Variants in NR1H4 observed in about 807,000 individuals in gnomAD.
NR1H4 encodes bile acid receptor.
NR1H4 carries 23 observed loss-of-function variants against 58.5 expected under a neutral mutation model. That is an observed-to-expected ratio of 0.39 (90% CI 0.28 to 0.56). The LOEUF (loss-of-function observed/expected upper bound fraction) is 0.56. Among genes scored for constraint, NR1H4 ranks in the 20% least tolerant of loss-of-function variants. NR1H4 has a pLI of 0.58. For missense variants in NR1H4, 487 were observed against 576.9 expected, an observed-to-expected ratio of 0.84 and a Z score of 1.60; for synonymous variants, 214 against 198.0, an observed-to-expected ratio of 1.08 and a Z score of -0.68.
At chr12:100,519,864 C>T (rs781350100) in intron 4 of NR1H4, among the ~76,000 whole-genome samples, 6 of 152,084 alleles carry the variant, frequency 3.9e-5, no homozygotes, top group Non-Finnish European at 8.8e-5. Flanking sequence ...TGCTTCCTCC[C>T]GACTTGAATA....
chr12:100,480,872 C>A (rs778195701), intron 1 of NR1H4, among the ~76,000 whole-genome samples: 8 of 152,236 alleles, frequency 5.3e-5, no homozygotes, highest in Non-Finnish European at 1.0e-4. Context: ...GAGATGGCCT[C>A]ACTCATGTCT....
chr12:100,487,772 T>C (rs916706364), intron 1 of NR1H4, among the ~76,000 whole-genome samples: 44 of 151,554 alleles, frequency 2.9e-4, no homozygotes, highest in African/African-American at 1.1e-3. Flanking sequence ...CCACCACGCC[T>C]GGCTAATTTT....
At chr12:100,488,100 A>C (rs563841655) in intron 1 of NR1H4, among the ~76,000 whole-genome samples, 2 of 152,132 alleles carry the variant, frequency 1.3e-5, no homozygotes, top group African/African-American at 4.8e-5. Context: ...TCCCGAGTTC[A>C]AGTGATTCTC....
chr12:100,551,852 G>A (rs569713392), intron 9 of NR1H4, among the ~76,000 whole-genome samples: 1 of 152,182 alleles, frequency 6.6e-6, no homozygotes, highest in African/African-American at 2.4e-5. Flanking sequence ...TATAACCTAT[G>A]TACATCCTGT....
chr12:100,547,811 C>T (rs1207009984), intron 9 of NR1H4, among the ~76,000 whole-genome samples: 1 of 151,766 alleles, frequency 6.6e-6, no homozygotes, highest in East Asian at 2.0e-4. Context: ...ACCTCCGCCT[C>T]CTGGGTTCAA....
chr12:100,536,861 T>C, intron 7 of NR1H4, 87 bp from the exon 8 acceptor site: 1 of 843,694 alleles, frequency 1.2e-6, no homozygotes, highest in East Asian at 2.6e-5. Context: ...TTTTATCATC[T>C]AAACCTAGTT....
chr12:100,534,906 T>C lies in NR1H4; in HGVS notation c.615T>C (p.Ile205=). 1 of 1,614,206 alleles carries C rather than the reference T, an allele frequency of 6.2e-7. No individual in the cohort carries two copies. Among genetic ancestry groups the C allele is most frequent in the Non-Finnish European group, 8.5e-7 (1 of 1,180,024 alleles). ...ECMYTGLLTE[I]QCKSKRLRKN... ...TTGTTTTAGGCTTGTTAACTGAAAT[T>C]CAGTGTAAATCTAAGCGACTGAGAA... The change falls in exon 6 of 11, where the codon ATT becomes ATC. Residue 205 remains isoleucine (I), a synonymous_variant. Coordinates refer to ENST00000392986, the MANE Select transcript of NR1H4 (RefSeq NM_001206979.2).
chr12:100,540,923 T>C (rs73155613), intron 9 of NR1H4, 105 bp downstream of exon 9: 29 of 1,071,022 alleles, frequency 2.7e-5, no homozygotes, highest in Non-Finnish European at 4.1e-5. Context: ...TATATGCCTG[T>C]TGTGCCTAGC....
At chr12:100,550,679 T>G (rs1955184552) in intron 9 of NR1H4, among the ~76,000 whole-genome samples, 1 of 151,124 alleles carries the variant, frequency 6.6e-6, no homozygotes, top group Non-Finnish European at 1.5e-5. Context: ...GTTTACATTT[T>G]AACATTAAGG....
Position 100,505,625 on chromosome 12 carries a change from C to T in NR1H4, c.80-5153C>T, listed in dbSNP as rs532552825. 7.6e-5 allele frequency: 53 copies of T among 701,312 alleles called. 2 individuals are homozygous for T. The highest frequency in any genetic ancestry group is 4.4e-4 in the African/African-American group (25 of 57,308). The allele number at this position is 701,312 out of a possible 1,614,324, so 43.4% of individuals were successfully genotyped here. On this transcript the variant is annotated intron_variant, in intron 3 of 10. Coordinates refer to ENST00000392986, the MANE Select transcript of NR1H4 (RefSeq NM_001206979.2). ...ATCCATGTGTTCTCATTTAAGAACT[C>T]GTCCCTAAACTTCCATGGAGAACCG... is the stretch of plus-strand genomic sequence containing the variant.
intron 9 of NR1H4, among the ~76,000 whole-genome samples, chr12:100,546,067 C>T (rs1258560078): frequency 1.3e-5 from 2 of 152,124 alleles, no homozygotes; most frequent in Non-Finnish European, 2.9e-5. Context: ...CCACTATGCT[C>T]ATTCACCAGT....
rs1021048372 is a variant in NR1H4 at position 100,510,713 on chromosome 12, C to G, written c.80-65C>G. ...GAGCCCACACTCCTAACCATTACGC[C>G]AAACTGCCTCTCTAATTTCCAGAAT... is the stretch of plus-strand genomic sequence containing the variant. On this transcript the variant is annotated intron_variant, in intron 3 of 10. Transcript: ENST00000392986. The G allele has an allele frequency of 1.9e-6, 3 of 1,596,098 alleles. No individual in the cohort carries two copies. In the African/African-American group the frequency reaches 4.0e-5, roughly 22 times the overall value.
At chr12:100,521,523 T>C (rs1954418191) in intron 4 of NR1H4, among the ~76,000 whole-genome samples, 3 of 152,232 alleles carry the variant, frequency 2.0e-5, no homozygotes, top group African/African-American at 7.2e-5. Context: ...GGTCAGTGTC[T>C]GTCACATTTG....
At chr12:100,548,272 C>G (rs1422513977) in intron 9 of NR1H4, among the ~76,000 whole-genome samples, 1 of 150,944 alleles carries the variant, frequency 6.6e-6, no homozygotes, top group Non-Finnish European at 1.5e-5. Context: ...GAGGCTGAGG[C>G]TGGAGAATTG....
intron 4 of NR1H4, among the ~76,000 whole-genome samples, chr12:100,526,586 C>T (rs180945546): frequency 4.5e-4 from 69 of 152,302 alleles, no homozygotes; most frequent in African/African-American, 1.5e-3. Flanking sequence ...GGATCGTGCG[C>T]AAACCTCAGG....
At chr12:100,487,802 G>A (rs763669975) in intron 1 of NR1H4, among the ~76,000 whole-genome samples, 2 of 151,276 alleles carry the variant, frequency 1.3e-5, no homozygotes, top group Non-Finnish European at 2.9e-5. Flanking sequence ...AGTAAAGACG[G>A]GGTTTCACCA....
chr12:100,512,147 C>G (rs1363108360), intron 4 of NR1H4, among the ~76,000 whole-genome samples: 2 of 151,868 alleles, frequency 1.3e-5, no homozygotes, highest in East Asian at 3.9e-4. Context: ...GTGGGAGGAT[C>G]ACCTGAGCCC....
chr12:100,524,050 A>G (rs1842362683), intron 4 of NR1H4, among the ~76,000 whole-genome samples: 1 of 152,248 alleles, frequency 6.6e-6, no homozygotes, highest in East Asian at 1.9e-4. Context: ...GGGAATATGA[A>G]CTGACATTTC....
At chr12:100,550,845 A>G (rs1955188171) in intron 9 of NR1H4, among the ~76,000 whole-genome samples, 4 of 152,176 alleles carry the variant, frequency 2.6e-5, no homozygotes, top group Admixed American at 2.0e-4. Context: ...CAGTATGACA[A>G]TATATCTCAT....
Sources: allele counts gnomAD v4.1 joint callset (sites outside exome capture counted in the v4.1 genomes callset), GRCh38; gene constraint gnomAD v4.1.1; transcripts MANE v1.5; gene names NCBI Gene and HGNC (gene_info 2026-07-23, HGNC 2026-07-21).